The following LIN28A variants were observed in gnomAD, a reference collection of about 807,000 sequenced individuals.
The protein encoded by LIN28A is lin-28 RNA binding posttranscriptional regulator A, also known as protein lin-28 homolog A.
Under a neutral mutation model 21.1 loss-of-function variants are expected in LIN28A, and 11 were observed. The observed-to-expected ratio is 0.52, with a 90% confidence interval of 0.33 to 0.86. The LOEUF (loss-of-function observed/expected upper bound fraction) is 0.86. Ranked by LOEUF, LIN28A falls within the 40% of genes least tolerant of loss-of-function variation. The pLI, the probability that LIN28A is intolerant of heterozygous loss-of-function variation, is 0.03. For missense variants in LIN28A, 219 were observed against 279.8 expected (o/e 0.78, Z 1.55); for synonymous variants, 111 against 108.7 (o/e 1.02, Z -0.13).
In LIN28A at chr1:26,425,383, TCTGGAATCCATCCGTGTCAC is replaced by T; in HGVS notation, c.311_330del (p.Leu104ArgfsTer11). 6.2e-7 allele frequency: 1 copy of T among 1,613,976 alleles called. No homozygotes were observed. Among genetic ancestry groups the T allele is most frequent in the Non-Finnish European group, 8.5e-7 (1 of 1,179,974 alleles). ...TCACCTTTAAGAAGTCAGCCAAGGG[TCTGGAATCCATCCGTGTCAC>T]CGGACCTGGTGGAGTATTCTGTATT... On this transcript the variant is annotated frameshift_variant, in exon 3 of 4. Transcript: ENST00000326279. LOFTEE classifies it high-confidence loss of function.
At chr1:26,418,026 T>C (rs1288202481) in intron 2 of LIN28A, among the ~76,000 whole-genome samples, 1 of 151,780 alleles carries the variant, frequency 6.6e-6, no homozygotes, top group African/African-American at 2.4e-5. Flanking sequence ...CTCTTCATAC[T>C]TTTTTCTTTT....
chr1:26,417,887 G>T (rs1384867558), intron 2 of LIN28A, among the ~76,000 whole-genome samples: 1 of 152,156 alleles, frequency 6.6e-6, no homozygotes, highest in Non-Finnish European at 1.5e-5. Context: ...AAGAAGATCT[G>T]GAATAGCCTC....
intron 2 of LIN28A, among the ~76,000 whole-genome samples, chr1:26,423,843 A>C (rs1459381762): frequency 6.6e-6 from 1 of 151,636 alleles, no homozygotes; most frequent in Non-Finnish European, 1.5e-5. Context: ...GCTCACTGCA[A>C]GCTCTGCCTC....
At chr1:26,425,039 G>A (rs766849657) in intron 2 of LIN28A, among the ~76,000 whole-genome samples, 3 of 152,120 alleles carry the variant, frequency 2.0e-5, no homozygotes, top group East Asian at 1.9e-4. Context: ...CACCGTACCC[G>A]GCCCTCTGTT....
intron 2 of LIN28A, among the ~76,000 whole-genome samples, chr1:26,419,076 G>C (rs1484814214): frequency 1.3e-5 from 2 of 151,986 alleles, no homozygotes; most frequent in African/African-American, 4.8e-5. Flanking sequence ...TTTCTTTTTG[G>C]AGGGGATGGG....
rs755005138 is a variant in LIN28A, at chr1:26,410,872, C to T, written c.-20C>T. 58 of 1,612,214 alleles carry T rather than the reference C, an allele frequency of 3.6e-5. No homozygotes were observed. The East Asian group carries it at 1.3e-3, about 36-fold the overall frequency. ...AGCCGCCCGACCAGGGGCCCGGGGCCACGGGCTCAGCCGACGACCATGGGC... is the reference window on the plus strand; with the variant it reads ...AGCCGCCCGACCAGGGGCCCGGGGCTACGGGCTCAGCCGACGACCATGGGC... On this transcript the variant is annotated 5_prime_UTR_variant, in exon 1 of 4. Coordinates refer to ENST00000326279, the MANE Select transcript of LIN28A (RefSeq NM_024674.6).
intron 2 of LIN28A, among the ~76,000 whole-genome samples, chr1:26,419,049 C>A (rs1473095057): frequency 6.6e-6 from 1 of 151,878 alleles, no homozygotes; most frequent in Non-Finnish European, 1.5e-5. Context: ...CAGGCCATGC[C>A]CCTCCCCCTA....
chr1:26,411,583 G>A lies in LIN28A; in HGVS notation c.228+1G>A. On this transcript the variant is annotated splice_donor_variant, in intron 2 of 3. Transcript: ENST00000326279. LOFTEE classifies it high-confidence loss of function. This position sits in a 1 kb window ranked among gnomAD's most constrained non-coding sequence, Gnocchi z 5.4. Reference sequence around the variant, plus strand: ...CCCAGTGGATGTCTTTGTGCACCAGGTGAGACTGATTCCGGTAACTTTGCC... The same window carrying A: ...CCCAGTGGATGTCTTTGTGCACCAGATGAGACTGATTCCGGTAACTTTGCC... 2 of 1,611,454 alleles carry A rather than the reference G, an allele frequency of 1.2e-6. No individual in the cohort carries two copies. The highest frequency in any genetic ancestry group is 1.7e-6 in the Non-Finnish European group (2 of 1,179,340).
intron 2 of LIN28A, among the ~76,000 whole-genome samples, chr1:26,414,932 A>G (rs558086997): frequency 2.0e-5 from 3 of 152,236 alleles, no homozygotes; most frequent in African/African-American, 7.2e-5. Context: ...ACTGTCAACT[A>G]TTTTCCTGAG....
In LIN28A at chr1:26,418,680, C is replaced by G. The variant is rs74571375; in HGVS notation, c.229-6623C>G. Among the ~76,000 whole-genome samples, 63 of 152,310 alleles carry G rather than the reference C, an allele frequency of 4.1e-4. No homozygotes were observed. In the East Asian group the frequency reaches 0.011, roughly 26 times the overall value. Reference sequence around the variant, plus strand: ...TGATATGGGTCATGCCTTCTCTCCCCCTCCCCTTTAAAATAATTTATCTGA... The same window carrying G: ...TGATATGGGTCATGCCTTCTCTCCCGCTCCCCTTTAAAATAATTTATCTGA... On this transcript the variant is annotated intron_variant, in intron 2 of 3. Transcript: ENST00000326279.
intron 2 of LIN28A, among the ~76,000 whole-genome samples, chr1:26,421,769 T>G (rs1222906780): frequency 6.6e-6 from 1 of 152,208 alleles, no homozygotes; most frequent in Non-Finnish European, 1.5e-5. Flanking sequence ...TGGGTTATAC[T>G]GTCTTTCGGT....
At position 26,411,806 on chromosome 1, in the gene LIN28A, C is replaced by G. The variant is rs1013157006; in HGVS notation, c.228+224C>G. ...CACCCCCGCCCCCTTCCGGGAACCC[C>G]TCCGGCTTACCACGTGTCTATTACC... On this transcript the variant is annotated intron_variant, in intron 2 of 3. Coordinates refer to ENST00000326279, the MANE Select transcript of LIN28A (RefSeq NM_024674.6). This position sits in a 1 kb window ranked among gnomAD's most constrained non-coding sequence, Gnocchi z 5.4. Among the ~76,000 whole-genome samples, 30 of 152,244 alleles carry G rather than the reference C, an allele frequency of 2.0e-4. No homozygotes were observed. The highest frequency in any genetic ancestry group is 2.9e-5 in the Non-Finnish European group (2 of 68,046).
chr1:26,428,187 G>C lies in LIN28A; in HGVS notation c.*1729G>C, dbSNP rs1405779806. 1 of 152,630 alleles carries C rather than the reference G, an allele frequency of 6.6e-6. No individual in the cohort carries two copies. The highest frequency in any genetic ancestry group is 1.5e-5 in the Non-Finnish European group (1 of 68,048). The allele number at this position is 152,630 out of a possible 1,614,324, so 9.5% of individuals were successfully genotyped here. On this transcript the variant is annotated 3_prime_UTR_variant, in exon 4 of 4. Coordinates refer to ENST00000326279, the MANE Select transcript of LIN28A (RefSeq NM_024674.6). ...GTTTACAAACTTCTTTTTGTATTGAGAGAAAAATAGCCAAAGCATCTTTGA... is the reference window on the plus strand; with the variant it reads ...GTTTACAAACTTCTTTTTGTATTGACAGAAAAATAGCCAAAGCATCTTTGA...
rs746261339 is a variant in LIN28A at position 26,411,579 on chromosome 1, C to T, written c.225C>T (p.His75=). The change falls in exon 2 of 4, where the codon CAC becomes CAT. Residue 75 remains histidine, a synonymous_variant. Coordinates refer to ENST00000326279, the MANE Select transcript of LIN28A (RefSeq NM_024674.6). The surrounding 1 kb of genome is among the most constrained non-coding windows in gnomAD (Gnocchi z 5.4). ...ALDPPVDVFV[H]QSKLHMEGFR... Reference sequence around the variant, plus strand: ...ACCCCCCAGTGGATGTCTTTGTGCACCAGGTGAGACTGATTCCGGTAACTT... The same window carrying T: ...ACCCCCCAGTGGATGTCTTTGTGCATCAGGTGAGACTGATTCCGGTAACTT... 2 of 1,612,128 alleles carry T rather than the reference C, an allele frequency of 1.2e-6. No homozygotes were observed. The highest frequency in any genetic ancestry group is 1.7e-5 in the Admixed American group (1 of 59,092).
In LIN28A at chr1:26,411,051, T is replaced by G; in HGVS notation, c.31+129T>G. 8.3e-7 allele frequency: 1 copy of G among 1,210,582 alleles called. No homozygotes were observed. The highest frequency in any genetic ancestry group is 1.1e-6 in the Non-Finnish European group (1 of 879,062). The allele number at this position is 1,210,582 out of a possible 1,614,324, so 75.0% of individuals were successfully genotyped here. On this transcript the variant is annotated intron_variant, in intron 1 of 3. Coordinates refer to ENST00000326279, the MANE Select transcript of LIN28A (RefSeq NM_024674.6). The surrounding 1 kb of genome is among the most constrained non-coding windows in gnomAD (Gnocchi z 5.4). ...CAAGACGGTGCGGCCTTCTGCTTCATAGGGCCGTCTCTGGGGCCAGGAACC... is the reference window on the plus strand; with the variant it reads ...CAAGACGGTGCGGCCTTCTGCTTCAGAGGGCCGTCTCTGGGGCCAGGAACC...
At chr1:26,426,185 G>A (rs2075058254) in intron 3 of LIN28A, 57 bp from the exon 4 acceptor site, 2 of 1,406,050 alleles carry the variant, frequency 1.4e-6, no homozygotes, top group Non-Finnish European at 1.0e-6. Context: ...ATTCGTGGGA[G>A]GCATCTGGCC....
Position 26,426,489 on chromosome 1 carries a change from A to C in LIN28A, c.*31A>C. 3 of 1,587,736 alleles carry C rather than the reference A, an allele frequency of 1.9e-6. No individual in the cohort carries two copies. Among genetic ancestry groups the C allele is most frequent in the Non-Finnish European group, 2.6e-6 (3 of 1,156,726 alleles). ...AATGGGTGGGGGCTATTCTTTTGCT[A>C]TCAGGAAGTTTTGAGGAGCAGGCAG... On this transcript the variant is annotated 3_prime_UTR_variant, in exon 4 of 4. Transcript: ENST00000326279.
At position 26,411,326 on chromosome 1, in the gene LIN28A, C is replaced by T. The variant is rs917203387; in HGVS notation, c.32-60C>T. ...ATACTCGGGTCTCCCTGCCTGGGGC[C>T]CGAGACGGCCCTCCGATTCCGTGCC... On this transcript the variant is annotated intron_variant, in intron 1 of 3. Transcript: ENST00000326279. This position sits in a 1 kb window ranked among gnomAD's most constrained non-coding sequence, Gnocchi z 5.4. The T allele has an allele frequency of 4.8e-6, 7 of 1,447,452 alleles. No individual in the cohort carries two copies. The highest frequency in any genetic ancestry group is 6.4e-6 in the Non-Finnish European group (7 of 1,099,874). 89.7% of individuals were successfully genotyped at this position (1,447,452 alleles called of 1,614,324 possible).
At position 26,428,358 on chromosome 1, in the gene LIN28A, C is replaced by T. The variant is rs1244780065; in HGVS notation, c.*1900C>T. On this transcript the variant is annotated 3_prime_UTR_variant, in exon 4 of 4. Coordinates refer to ENST00000326279, the MANE Select transcript of LIN28A (RefSeq NM_024674.6). ...CAGATCTTCTGTCCTAAAAACTTGT[C>T]TTCTACCCTGCCCTCTTTTCTGTTC... 2.0e-5 allele frequency: 3 copies of T among 150,346 alleles called. No individual in the cohort carries two copies. The highest frequency in any genetic ancestry group is 4.4e-5 in the Non-Finnish European group (3 of 67,444). 9.3% of individuals were successfully genotyped at this position (150,346 alleles called of 1,614,324 possible).
Sources: allele counts gnomAD v4.1 joint callset (sites outside exome capture counted in the v4.1 genomes callset), GRCh38; gene constraint gnomAD v4.1.1; non-coding constraint Gnocchi (gnomAD v3.1); transcripts MANE v1.5; gene names NCBI Gene and HGNC (gene_info 2026-07-23, HGNC 2026-07-21).